Variants in CLIC5 observed in about 807,000 individuals in gnomAD.
CLIC5 encodes CLIC family member 5.
Under a neutral mutation model 24.7 loss-of-function variants are expected in CLIC5, and 20 were observed. The ratio of observed to expected loss-of-function variants is 0.81; its 90% confidence interval spans 0.57 to 1.18. The LOEUF (loss-of-function observed/expected upper bound fraction) is 1.18, where lower values mean the gene tolerates loss of function less well. Ranked by LOEUF, CLIC5 falls within the 50% of genes most tolerant of loss-of-function variation. The pLI is 0.00. For synonymous variants in CLIC5, 159 were observed against 135.6 expected (o/e 1.17, Z -1.20); for missense variants, 341 against 326.1 (o/e 1.05, Z -0.35).
At chr6:45,923,000 A>G (rs1274220227) in intron 4 of CLIC5, among the ~76,000 whole-genome samples, 1 of 152,162 alleles carries the variant, frequency 6.6e-6, no homozygotes, top group Non-Finnish European at 1.5e-5. Context: ...AAACAAACAA[A>G]CAAACAAAAA....
intron 1 of CLIC5, among the ~76,000 whole-genome samples, chr6:46,001,712 C>A (rs1766366317): frequency 6.6e-6 from 1 of 152,174 alleles, no homozygotes; most frequent in Admixed American, 6.5e-5. Context: ...TATGAACACA[C>A]ATTAAAGGGT....
chr6:46,072,465 GT>G (rs1762635617), intron 1 of CLIC5, among the ~76,000 whole-genome samples: 1 of 152,140 alleles, frequency 6.6e-6, no homozygotes, highest in Non-Finnish European at 1.5e-5. Flanking sequence ...TTATTCAGAA[GT>G]TTTAGTTTGT....
At chr6:46,079,750 C>T in exon 1 of CLIC5, 2 of 1,551,838 alleles carry the variant, frequency 1.3e-6, no homozygotes, top group South Asian at 2.4e-5. Context: ...CCCTCCTTTT[C>T]TTCCAAACCT....
intron 1 of CLIC5, among the ~76,000 whole-genome samples, chr6:46,038,236 T>C (rs1204762302): frequency 6.6e-6 from 1 of 152,248 alleles, no homozygotes; most frequent in Non-Finnish European, 1.5e-5. Context: ...TCCAGTCAGT[T>C]AGCAGACTGC....
intron 1 of CLIC5, among the ~76,000 whole-genome samples, chr6:46,073,697 C>T (rs1243803869): frequency 6.6e-6 from 1 of 152,196 alleles, no homozygotes; most frequent in Non-Finnish European, 1.5e-5. Context: ...AGGCAGCACT[C>T]TTAGTTATTC....
At chr6:46,013,440 C>G (rs1244514939) in intron 1 of CLIC5, among the ~76,000 whole-genome samples, 1 of 152,204 alleles carries the variant, frequency 6.6e-6, no homozygotes, top group Admixed American at 6.6e-5. Flanking sequence ...TAAATGAGAA[C>G]TGCTAACCTG....
At chr6:45,943,423 C>T (rs1220646060) in intron 3 of CLIC5, among the ~76,000 whole-genome samples, 1 of 152,230 alleles carries the variant, frequency 6.6e-6, no homozygotes, top group Non-Finnish European at 1.5e-5. Context: ...TCTGCTGTGG[C>T]TGGGGGCACA....
intron 1 of CLIC5, among the ~76,000 whole-genome samples, chr6:45,958,441 T>TATATATACACACACACACACACACAC (rs1554151285): frequency 5.6e-5 from 1 of 17,944 alleles, no homozygotes; most frequent in Non-Finnish European, 1.2e-4. Context: ...TATATATATA[T>TATATATACACACACACACACACACAC]ATATATATAT....
At chr6:45,905,579 G>A (rs139486229) in intron 5 of CLIC5, among the ~76,000 whole-genome samples, 90 of 143,392 alleles carry the variant, frequency 6.3e-4, no homozygotes, top group South Asian at 4.8e-3. Flanking sequence ...GGTATTATTT[G>A]TTTTTTTCTT....
chr6:45,963,300 G>T (rs536572952), intron 1 of CLIC5, among the ~76,000 whole-genome samples: 4 of 152,166 alleles, frequency 2.6e-5, no homozygotes, highest in Non-Finnish European at 4.4e-5. Context: ...TGCCTCTTAG[G>T]TGGGAGGAGC....
Position 46,031,957 on chromosome 6 carries a change from C to CACAA in CLIC5, c.540+47745_540+47746insTTGT, listed in dbSNP as rs71966819. Among the ~76,000 whole-genome samples, 6 of 148,262 alleles carry CACAA rather than the reference C, an allele frequency of 4.0e-5. No individual in the cohort carries two copies. In the South Asian group the frequency reaches 1.1e-3, roughly 26 times the overall value. On this transcript the variant is annotated intron_variant, in intron 1 of 5. Coordinates refer to the CLIC5 transcript ENST00000185206. ...ATATATATACACACACACACACACA[C>CACAA]AACAAATATATATATATGTGTACAT...
intron 1 of CLIC5, among the ~76,000 whole-genome samples, chr6:45,971,052 A>G (rs1181046155): frequency 6.6e-6 from 1 of 152,260 alleles, no homozygotes; most frequent in Non-Finnish European, 1.5e-5. Flanking sequence ...AATGAGGTAC[A>G]GAAATTGTTC....
intron 3 of CLIC5, among the ~76,000 whole-genome samples, chr6:45,942,859 A>C (rs771511605): frequency 5.9e-5 from 9 of 152,178 alleles, no homozygotes; most frequent in Non-Finnish European, 1.0e-4. Flanking sequence ...GGAAGGCATT[A>C]TTGTCCTCCT....
At chr6:45,947,372 A>G (rs1015999179) in intron 3 of CLIC5, among the ~76,000 whole-genome samples, 1 of 152,022 alleles carries the variant, frequency 6.6e-6, no homozygotes, top group Non-Finnish European at 1.5e-5. Context: ...CAGAGAAGGG[A>G]ACTGAGTCCT....
At chr6:45,939,395 G>A (rs965986169) in intron 4 of CLIC5, among the ~76,000 whole-genome samples, 1 of 151,452 alleles carries the variant, frequency 6.6e-6, no homozygotes, top group East Asian at 2.0e-4. Flanking sequence ...TGTATTTTTA[G>A]TGGAGACGGG....
chr6:46,043,382 C>A (rs548056844), intron 1 of CLIC5, among the ~76,000 whole-genome samples: 5 of 152,222 alleles, frequency 3.3e-5, no homozygotes, highest in African/African-American at 1.2e-4. Flanking sequence ...GATTGTGAAA[C>A]CAGGTTAATG....
rs562752015 is a variant in CLIC5, at chr6:45,947,665, G to A, written c.299+1591C>T. 2.0e-3 allele frequency among the ~76,000 whole-genome samples: 312 copies of A among 152,264 alleles called. 1 individual carries two copies. Among genetic ancestry groups the A allele is most frequent in the South Asian group, 7.1e-3 (34 of 4,818 alleles). On this transcript the variant is annotated intron_variant, in intron 3 of 5. Transcript: ENST00000339561. ...TCTCCCAGGCAAAGTCTAAACTCTA[G>A]TTATTGAAAACAGCATTTTTTTTCA...
chr6:46,095,966 T>C, the CLIC5 span, among the ~76,000 whole-genome samples: 1 of 152,326 alleles, frequency 6.6e-6, no homozygotes, highest in Non-Finnish European at 1.5e-5. Flanking sequence ...TACCTGACAT[T>C]GGGTAATTTA....
chr6:46,122,515 A>G, the CLIC5 span, among the ~76,000 whole-genome samples: 6 of 152,258 alleles, frequency 3.9e-5, no homozygotes, highest in Admixed American at 6.5e-5. Context: ...ATCGCAATTA[A>G]AAGAACTAGA....
Sources: gnomAD v4.1 joint callset for allele counts (sites outside exome capture counted in the v4.1 genomes callset) on GRCh38, gnomAD v4.1.1 for gene constraint, MANE v1.5 for transcripts, NCBI Gene and HGNC (gene_info 2026-07-23, HGNC 2026-07-21) for gene names.